ONECUT2: variants seen among roughly 807,000 people sequenced by gnomAD.
ONECUT2 encodes the protein one cut domain family member 2.
Under a neutral mutation model 27.9 loss-of-function variants are expected in ONECUT2, and 10 were observed. That is an observed-to-expected ratio of 0.36 (90% CI 0.22 to 0.61). The LOEUF is 0.61. Among genes scored for constraint, ONECUT2 ranks in the 20% least tolerant of loss-of-function variants. The pLI is 0.73. For missense variants in ONECUT2, 686 were observed against 721.0 expected, an observed-to-expected ratio of 0.95 and a Z score of 0.56; for synonymous variants, 334 against 315.1, an observed-to-expected ratio of 1.06 and a Z score of -0.64.
intron 1 of ONECUT2, among the ~76,000 whole-genome samples, chr18:57,470,988 C>T (rs542970746): frequency 1.3e-5 from 2 of 152,324 alleles, no homozygotes; most frequent in South Asian, 2.1e-4. Flanking sequence ...CCTTTCTGGC[C>T]GGGGAAGCTA....
In ONECUT2 at chr18:57,453,300, C is replaced by T. The variant is rs371191884; in HGVS notation, c.1228+16356C>T. Among the ~76,000 whole-genome samples, 31 of 152,300 alleles carry T rather than the reference C, an allele frequency of 2.0e-4. 2 individuals carry two copies. The South Asian group carries it at 4.1e-3, about 20-fold the overall frequency. On this transcript the variant is annotated intron_variant, in intron 1 of 1. Coordinates refer to ENST00000491143, the MANE Select transcript of ONECUT2 (RefSeq NM_004852.3). Reference sequence around the variant, plus strand: ...CCCAATTTTTAAGACACTGTACTCACGTAGATATCTTAGCTGCTCTGACTA... The same window carrying T: ...CCCAATTTTTAAGACACTGTACTCATGTAGATATCTTAGCTGCTCTGACTA...
chr18:57,465,805 A>G (rs1299461101), intron 1 of ONECUT2, among the ~76,000 whole-genome samples: 1 of 152,138 alleles, frequency 6.6e-6, no homozygotes, highest in Non-Finnish European at 1.5e-5. Flanking sequence ...ATGTTAGTGC[A>G]CTCATTCTCT....
Position 57,489,389 on chromosome 18 carries a change from T to C in ONECUT2, c.*12666T>C, listed in dbSNP as rs1014496579. 1.3e-5 allele frequency: 2 copies of C among 152,200 alleles called. No homozygotes were observed. The highest frequency in any genetic ancestry group is 3.9e-4 in the East Asian group (2 of 5,182). 9.4% of individuals were successfully genotyped at this position (152,200 alleles called of 1,614,324 possible). On this transcript the variant is annotated 3_prime_UTR_variant, in exon 2 of 2. Transcript: ENST00000491143. ...ACTATCTCCCTGTGCTTTGCTCCCA[T>C]CTCAGGGGGCAGGGGCAGTGCACAT...
chr18:57,454,679 C>G (rs1225228917), intron 1 of ONECUT2, among the ~76,000 whole-genome samples: 2 of 152,144 alleles, frequency 1.3e-5, no homozygotes, highest in African/African-American at 4.8e-5. Context: ...GTCATTTTCT[C>G]AGATGAGATT....
chr18:57,448,968 C>G (rs530323300), intron 1 of ONECUT2, among the ~76,000 whole-genome samples: 1 of 152,168 alleles, frequency 6.6e-6, no homozygotes, highest in African/African-American at 2.4e-5. Context: ...TAATGTATAC[C>G]AGAGTTCATT....
In ONECUT2 at chr18:57,476,523, CG is replaced by C; in HGVS notation, c.1316del (p.Arg439GlnfsTer37). On this transcript the variant is annotated frameshift_variant, in exon 2 of 2. Coordinates refer to ENST00000491143, the MANE Select transcript of ONECUT2 (RefSeq NM_004852.3). LOFTEE classifies it high-confidence loss of function. ...SRLVFTDLQR[R>X]TLFAIFKENK... The stretch of plus-strand genomic sequence containing the variant: ...CCTGGTGTTCACTGACCTCCAACGC[CG>C]AACACTCTTCGCCATCTTCAAGGAG... The C allele has an allele frequency of 6.2e-7, 1 of 1,614,180 alleles. No homozygotes were observed. Among genetic ancestry groups the C allele is most frequent in the Non-Finnish European group, 8.5e-7 (1 of 1,180,028 alleles).
chr18:57,452,365 G>A (rs1480733412), intron 1 of ONECUT2, among the ~76,000 whole-genome samples: 1 of 152,158 alleles, frequency 6.6e-6, no homozygotes, highest in Non-Finnish European at 1.5e-5. Context: ...GTCCCAATGG[G>A]AGATCCCCTC....
intron 1 of ONECUT2, among the ~76,000 whole-genome samples, chr18:57,461,622 A>G (rs951714116): frequency 2.6e-5 from 4 of 152,256 alleles, no homozygotes; most frequent in Non-Finnish European, 5.9e-5. Flanking sequence ...GAGTGGGCAA[A>G]TGGAGCTTAA....
chr18:57,457,698 A>G (rs563284727), intron 1 of ONECUT2, among the ~76,000 whole-genome samples: 1 of 152,214 alleles, frequency 6.6e-6, no homozygotes, highest in Admixed American at 6.5e-5. Flanking sequence ...CACTATTCAC[A>G]ATAGCAAAGA....
chr18:57,465,585 A>C (rs2050317099), intron 1 of ONECUT2, among the ~76,000 whole-genome samples: 1 of 152,222 alleles, frequency 6.6e-6, no homozygotes, highest in Non-Finnish European at 1.5e-5. Context: ...TTGTTATATC[A>C]AATGATTCTC....
intron 1 of ONECUT2, chr18:57,467,364 G>GTTTT (rs869042022): frequency 3.9e-6 from 1 of 256,364 alleles, no homozygotes; most frequent in African/African-American, 2.7e-5. Context: ...TTGTTTGTTT[G>GTTTT]TTTGTTTGTT....
In ONECUT2 at chr18:57,485,519, C is replaced by G. The variant is rs369952701; in HGVS notation, c.*8796C>G. ...AAATGATTAAATCACTATTAAGAGC[C>G]ATTCATCAACGTGATTTGTGTGTTA... On this transcript the variant is annotated 3_prime_UTR_variant, in exon 2 of 2. Coordinates refer to ENST00000491143, the MANE Select transcript of ONECUT2 (RefSeq NM_004852.3). 2 of 152,126 alleles carry G rather than the reference C, an allele frequency of 1.3e-5. No individual in the cohort carries two copies. Among genetic ancestry groups the G allele is most frequent in the East Asian group, 3.8e-4 (2 of 5,196 alleles). 9.4% of individuals were successfully genotyped at this position (152,126 alleles called of 1,614,324 possible).
In ONECUT2 at chr18:57,435,934, G is replaced by T. The variant is rs940506922; in HGVS notation, c.218G>T (p.Gly73Val). Residue 73 changes from glycine to valine, a missense_variant, in exon 1 of 2, where the codon GGC (glycine) becomes GTC (valine). By Grantham distance (109) the Gly-to-Val change is moderately radical (BLOSUM62 -3). Around this residue, in one of 4 missense-constraint regions of ONECUT2, gnomAD observed 511 missense variants for 488.1 expected, o/e 1.05. Transcript: ENST00000491143. Reference sequence around the variant, plus strand: ...CCCAGCCCCCACCACGCGGGCCGCGGCGCCGCTGGCTCGCTGCGGGGCCCT... The same window carrying T: ...CCCAGCCCCCACCACGCGGGCCGCGTCGCCGCTGGCTCGCTGCGGGGCCCT... Reference protein sequence around the residue: ...ASPSPHHAGRGAAGSLRGPPP... With the variant: ...ASPSPHHAGRVAAGSLRGPPP... The T allele has an allele frequency of 4.2e-6, 5 of 1,193,418 alleles. No homozygotes were observed. The highest frequency in any genetic ancestry group is 1.6e-5 in the African/African-American group (1 of 62,176). The allele number at this position is 1,193,418 out of a possible 1,614,324, so 73.9% of individuals were successfully genotyped here.
rs2050418041 is a variant in ONECUT2 at position 57,481,928 on chromosome 18, G to T, written c.*5205G>T. 1 of 152,222 alleles carries T rather than the reference G, an allele frequency of 6.6e-6. No homozygotes were observed. Among genetic ancestry groups the T allele is most frequent in the Non-Finnish European group, 1.5e-5 (1 of 68,040 alleles). 9.4% of individuals were successfully genotyped at this position (152,222 alleles called of 1,614,324 possible). ...GTTGTTGCTGATGCTGTGTGATTCA[G>T]ACTTCTCAGCCTAACCAGGAAGAGT... On this transcript the variant is annotated 3_prime_UTR_variant, in exon 2 of 2. Coordinates refer to ENST00000491143, the MANE Select transcript of ONECUT2 (RefSeq NM_004852.3).
At chr18:57,473,658 C>T (rs1324168111) in intron 1 of ONECUT2, among the ~76,000 whole-genome samples, 1 of 152,118 alleles carries the variant, frequency 6.6e-6, no homozygotes, top group Non-Finnish European at 1.5e-5. Context: ...CACCTGGGTG[C>T]TCATGAGAAA....
At chr18:57,444,428 G>A (rs1447856578) in intron 1 of ONECUT2, 2 of 456,754 alleles carry the variant, frequency 4.4e-6, no homozygotes, top group African/African-American at 2.0e-5. Flanking sequence ...CAGGATCTGG[G>A]TGGGTAGCAA....
At chr18:57,463,551 C>T (rs974583119) in intron 1 of ONECUT2, among the ~76,000 whole-genome samples, 1 of 152,112 alleles carries the variant, frequency 6.6e-6, no homozygotes, top group Non-Finnish European at 1.5e-5. Context: ...TTAGAGATTG[C>T]ATTGTACCTG....
chr18:57,438,719 C>G (rs951163909), intron 1 of ONECUT2, among the ~76,000 whole-genome samples: 2 of 152,202 alleles, frequency 1.3e-5, no homozygotes, highest in Admixed American at 1.3e-4. Flanking sequence ...TCGGCGGACT[C>G]CGGATACTTT....
At chr18:57,457,850 T>C (rs2050268597) in intron 1 of ONECUT2, among the ~76,000 whole-genome samples, 2 of 152,182 alleles carry the variant, frequency 1.3e-5, no homozygotes, top group African/African-American at 4.8e-5. Flanking sequence ...AAAACCATCA[T>C]TCTCAGCCAA....
Sources: gnomAD v4.1 joint callset for allele counts (sites outside exome capture counted in the v4.1 genomes callset) on GRCh38, gnomAD v4.1.1 for gene constraint, gnomAD v4.1.1 regional missense constraint, MANE v1.5 for transcripts, NCBI Gene and HGNC (gene_info 2026-07-23, HGNC 2026-07-21) for gene names.